Variants in SEC14L1 observed in about 807,000 individuals in gnomAD.
The protein encoded by SEC14L1 is SEC14-like protein 1.
SEC14L1 carries 48 observed loss-of-function variants against 85.3 expected under a neutral mutation model. The observed-to-expected ratio is 0.56, with a 90% CI of 0.45 to 0.72. The LOEUF is 0.72. Ranked by LOEUF, SEC14L1 falls within the 30% of genes least tolerant of loss-of-function variation. The pLI is 0.00. For synonymous variants in SEC14L1, 391 were observed against 355.5 expected (o/e 1.10, Z -1.12); for missense variants, 682 against 921.4 (o/e 0.74, Z 3.36).
intron 3 of SEC14L1, among the ~76,000 whole-genome samples, chr17:77,167,751 T>C (rs1377763076): frequency 6.6e-6 from 1 of 152,160 alleles, no homozygotes; most frequent in Admixed American, 6.5e-5. Context: ...GGAAGTTTTA[T>C]TGAGTGATGA....
At chr17:77,169,575 CCTGTT>C (rs1386312652) in intron 3 of SEC14L1, among the ~76,000 whole-genome samples, 1 of 152,154 alleles carries the variant, frequency 6.6e-6, no homozygotes, top group African/African-American at 2.4e-5. Flanking sequence ...ATCTTGGTAT[CCTGTT>C]CTAAGCACTA....
At chr17:77,178,064 CCT>C (rs1491379732) in intron 3 of SEC14L1, among the ~76,000 whole-genome samples, 2 of 144,958 alleles carry the variant, frequency 1.4e-5, no homozygotes, top group African/African-American at 5.2e-5. Flanking sequence ...CTCCCCCCCC[CCT>C]TTTTTTTTTG....
intron 9 of SEC14L1, among the ~76,000 whole-genome samples, chr17:77,202,900 C>T (rs1257111354): frequency 2.8e-5 from 4 of 144,316 alleles, no homozygotes; most frequent in Admixed American, 1.4e-4. Flanking sequence ...GCTTGGGTGA[C>T]AGGGAGAGAC....
chr17:77,158,710 C>T (rs1359539963), intron 3 of SEC14L1, among the ~76,000 whole-genome samples: 1 of 151,278 alleles, frequency 6.6e-6, no homozygotes, highest in African/African-American at 2.4e-5. Flanking sequence ...CATTGACTTA[C>T]CGATGGACGT....
At chr17:77,175,567 A>G (rs1974716591) in intron 3 of SEC14L1, among the ~76,000 whole-genome samples, 1 of 152,236 alleles carries the variant, frequency 6.6e-6, no homozygotes, top group South Asian at 2.1e-4. Flanking sequence ...GGGCAGCTGT[A>G]GTTCCGGCCT....
Position 77,212,177 on chromosome 17 carries a change from C to G in SEC14L1, c.1839C>G (p.Ile613Met), listed in dbSNP as rs746097901. The change falls in exon 15 of 17, where the codon ATC becomes ATG. Residue 613 changes from isoleucine (I) to methionine (M), a missense_variant. Physicochemically the swap from Ile to Met is conservative, Grantham distance 10. Transcript: ENST00000436233. ...RDYSMVESPL[I>M]CKEGESVQGS... The stretch of plus-strand genomic sequence containing the variant: ...ACAGCATGGTGGAGTCGCCTCTGAT[C>G]TGCAAAGAAGGAGAAAGCGTGCAGG... 6.2e-6 allele frequency: 10 copies of G among 1,613,898 alleles called. No individual in the cohort carries two copies. Among genetic ancestry groups the G allele is most frequent in the Non-Finnish European group, 8.5e-6 (10 of 1,180,042 alleles).
chr17:77,162,648 C>G (rs1974114881), intron 3 of SEC14L1, among the ~76,000 whole-genome samples: 1 of 152,012 alleles, frequency 6.6e-6, no homozygotes, highest in Admixed American at 6.6e-5. Flanking sequence ...GCATGACCAA[C>G]ATGGAGAAAC....
intron 3 of SEC14L1, among the ~76,000 whole-genome samples, chr17:77,149,858 T>C (rs904560963): frequency 7.2e-6 from 1 of 138,584 alleles, no homozygotes; most frequent in Non-Finnish European, 1.6e-5. Flanking sequence ...TGATTTGTGT[T>C]TTTTTTTTTT....
chr17:77,215,551 C>G lies in SEC14L1; in HGVS notation c.*1528C>G. Reference sequence around the variant, plus strand: ...GGGATCAGGAGGGCGGGGGAGGGACCGAGCAGCCCTCTTGCCCGGTCGGGT... The same window carrying G: ...GGGATCAGGAGGGCGGGGGAGGGACGGAGCAGCCCTCTTGCCCGGTCGGGT... On this transcript the variant is annotated 3_prime_UTR_variant, in exon 17 of 17. Coordinates refer to ENST00000436233, the MANE Select transcript of SEC14L1 (RefSeq NM_001143998.2). The G allele has an allele frequency of 1.0e-6, 1 of 986,616 alleles. No individual in the cohort carries two copies. The highest frequency in any genetic ancestry group is 1.2e-6 in the Non-Finnish European group (1 of 830,494). 61.1% of individuals were successfully genotyped at this position (986,616 alleles called of 1,614,324 possible).
intron 3 of SEC14L1, among the ~76,000 whole-genome samples, chr17:77,097,126 G>T (rs1971665986): frequency 6.6e-6 from 1 of 152,230 alleles, no homozygotes. Flanking sequence ...AAGGAATCCA[G>T]TGTTAACACG....
intron 3 of SEC14L1, among the ~76,000 whole-genome samples, chr17:77,165,026 A>G (rs1175485176): frequency 6.6e-6 from 1 of 152,184 alleles, no homozygotes; most frequent in African/African-American, 2.4e-5. Flanking sequence ...ATTGAGGGCT[A>G]CCTGTAACCG....
At chr17:77,124,255 T>C (rs1353852217) in intron 3 of SEC14L1, among the ~76,000 whole-genome samples, 2 of 152,140 alleles carry the variant, frequency 1.3e-5, no homozygotes, top group Non-Finnish European at 2.9e-5. Flanking sequence ...TCTCAGCTAC[T>C]TGGGGGGCTG....
chr17:77,176,960 T>C (rs539822119), intron 3 of SEC14L1, among the ~76,000 whole-genome samples: 31 of 152,338 alleles, frequency 2.0e-4, no homozygotes, highest in Admixed American at 1.8e-3. Flanking sequence ...ATTTTGACGA[T>C]GCAACTTTAC....
At chr17:77,207,014 G>GT in intron 13 of SEC14L1, 152 bp downstream of exon 13, 1 of 741,366 alleles carries the variant, frequency 1.3e-6, no homozygotes, top group Non-Finnish European at 2.1e-6. Flanking sequence ...CTGATCCAGG[G>GT]TTAAGCTAAA....
chr17:77,106,964 C>G (rs688915), intron 3 of SEC14L1, among the ~76,000 whole-genome samples: 15,420 of 152,268 alleles, frequency 0.1, 1,078 homozygotes, highest in East Asian at 0.26. Context: ...TATCCGGCCA[C>G]CAGGGTGGCA....
intron 3 of SEC14L1, among the ~76,000 whole-genome samples, chr17:77,111,900 G>A (rs1433284247): frequency 6.6e-6 from 1 of 152,162 alleles, no homozygotes; most frequent in Admixed American, 6.6e-5. Context: ...ATTGTGTTTT[G>A]AAATGTGAGG....
At chr17:77,203,050 G>C (rs1172519451) in intron 9 of SEC14L1, among the ~76,000 whole-genome samples, 1 of 151,968 alleles carries the variant, frequency 6.6e-6, no homozygotes, top group African/African-American at 2.4e-5. Flanking sequence ...AGGGAAGCTG[G>C]CTTTTAAAAA....
In SEC14L1 at chr17:77,190,826, A is replaced by G. The variant is rs1253679455; in HGVS notation, c.87A>G (p.Thr29=). ...IMAAYERRFP[T]CPLIPMFVGS... is the part of the protein sequence containing the mutation. ...AGGCCTATGAAAGGAGGTTCCCTACATGTCCTTTGATTCCGATGTTCGTGG... is the reference window on the plus strand; with the variant it reads ...AGGCCTATGAAAGGAGGTTCCCTACGTGTCCTTTGATTCCGATGTTCGTGG... Residue 29 remains threonine, a synonymous_variant, in exon 4 of 17, where the codon ACA becomes ACG. Coordinates refer to ENST00000436233, the MANE Select transcript of SEC14L1 (RefSeq NM_001143998.2). 12 of 1,614,114 alleles carry G rather than the reference A, an allele frequency of 7.4e-6. No individual in the cohort carries two copies. Among genetic ancestry groups the G allele is most frequent in the Non-Finnish European group, 9.3e-6 (11 of 1,180,048 alleles).
chr17:77,157,017 T>G (rs1040443790), intron 3 of SEC14L1, among the ~76,000 whole-genome samples: 3 of 152,246 alleles, frequency 2.0e-5, no homozygotes, highest in African/African-American at 7.2e-5. Context: ...AATCTGACTT[T>G]AAGATTTCTC....
Sources: gnomAD v4.1 joint callset for allele counts (sites outside exome capture counted in the v4.1 genomes callset) on GRCh38, gnomAD v4.1.1 for gene constraint, MANE v1.5 for transcripts, NCBI Gene and HGNC (gene_info 2026-07-23, HGNC 2026-07-21) for gene names.